Variants in MITF observed in about 807,000 individuals in gnomAD.
MITF encodes the protein microphthalmia-associated transcription factor.
A neutral mutation model predicts 60.5 loss-of-function variants in MITF; 17 were observed. That is an observed-to-expected ratio of 0.28 (90% CI 0.19 to 0.42). MITF has a LOEUF of 0.42. Among genes scored for constraint, MITF ranks in the 10% least tolerant of loss-of-function variants. The probability of loss-of-function intolerance (pLI) is 1.00; values close to 1 mark genes in which losing one functional copy is unlikely to be tolerated. For synonymous variants in MITF, 260 were observed against 248.5 expected, an observed-to-expected ratio of 1.05 and a Z score of -0.43; for missense variants, 622 against 683.5, an observed-to-expected ratio of 0.91 and a Z score of 1.00.
chr3:69,905,694 T>C (rs1487448306), intron 2 of MITF, among the ~76,000 whole-genome samples: 1 of 152,118 alleles, frequency 6.6e-6, no homozygotes, highest in Admixed American at 6.6e-5. Flanking sequence ...CTGATGGGTG[T>C]GTAATACTAT....
intron 2 of MITF, among the ~76,000 whole-genome samples, chr3:69,905,330 G>A (rs541835369): frequency 6.6e-6 from 1 of 151,802 alleles, no homozygotes; most frequent in East Asian, 1.9e-4. Flanking sequence ...CCTTTATATT[G>A]CCAACTGTAT....
chr3:69,956,606 C>A, intron 8 of MITF, 76 bp downstream of exon 8: 3 of 1,278,136 alleles, frequency 2.3e-6, no homozygotes, highest in Middle Eastern at 2.1e-4. Context: ...GTAAAAAATG[C>A]AGTTGTAAAA....
At position 69,936,567 on chromosome 3, in the gene MITF, G is replaced by A. The variant is rs112598669; in HGVS notation, c.355-1255G>A. 1.5e-3 allele frequency: 2,277 copies of A among 1,478,636 alleles called. 27 individuals are homozygous for A. The African/African-American group carries it at 0.029, about 19-fold the overall frequency. The allele number at this position is 1,478,636 out of a possible 1,614,324, so 91.6% of individuals were successfully genotyped here. A position where few individuals can be genotyped will look rare whatever the true frequency, so the allele number is the denominator to read the frequency against. ...AACTAATTAGCTTAGGTTATTATAA[G>A]CAGGGCTTCTGTGATAAAGTTTCCG... On this transcript the variant is annotated intron_variant, in intron 2 of 9. Transcript: ENST00000352241.
intron 2 of MITF, among the ~76,000 whole-genome samples, chr3:69,889,025 GTTTTTTTTTT>G (rs4057977): frequency 1.7e-5 from 1 of 58,806 alleles, no homozygotes; most frequent in Non-Finnish European, 3.2e-5. Flanking sequence ...ATAGCCTTTG[GTTTTTTTTTT>G]TTTTTTTTTT....
At chr3:69,882,663 A>G (rs931354013) in intron 2 of MITF, among the ~76,000 whole-genome samples, 8 of 152,172 alleles carry the variant, frequency 5.3e-5, no homozygotes, top group African/African-American at 1.7e-4. Context: ...TTGAAATTTG[A>G]TGTAGCTTTT....
chr3:69,948,978 G>C lies in MITF; in HGVS notation c.763-73G>C, dbSNP rs2066171383. 12 of 1,071,976 alleles carry C rather than the reference G, an allele frequency of 1.1e-5. No individual in the cohort carries two copies. In the South Asian group the frequency reaches 1.5e-4, roughly 14 times the overall value. 66.4% of individuals were successfully genotyped at this position (1,071,976 alleles called of 1,614,324 possible). ...TTTTCTTAAATAAATCCTAGAGTAG[G>C]ATATAGGTTTTATCTGAAAAAACAT... On this transcript the variant is annotated intron_variant, in intron 5 of 9. Transcript: ENST00000352241.
At chr3:69,845,268 A>G (rs2063709589) in intron 1 of MITF, among the ~76,000 whole-genome samples, 1 of 152,024 alleles carries the variant, frequency 6.6e-6, no homozygotes, top group South Asian at 2.1e-4. Context: ...ATAAATATTA[A>G]AATTAGGAGA....
chr3:69,804,968 A>G (rs769228304), intron 1 of MITF, among the ~76,000 whole-genome samples: 1 of 152,226 alleles, frequency 6.6e-6, no homozygotes, highest in African/African-American at 2.4e-5. Flanking sequence ...GTGTATTGCT[A>G]ATGGTTCTGA....
intron 1 of MITF, among the ~76,000 whole-genome samples, chr3:69,799,731 A>G (rs1468603585): frequency 1.3e-5 from 2 of 152,018 alleles, no homozygotes; most frequent in Non-Finnish European, 2.9e-5. Context: ...TCTCCTTAGT[A>G]TGCTCTTAGG....
intron 1 of MITF, among the ~76,000 whole-genome samples, chr3:69,820,953 G>GA (rs35503936): frequency 6.6e-6 from 1 of 151,788 alleles, no homozygotes; most frequent in Admixed American, 6.6e-5. Context: ...GTGTGTTCTG[G>GA]AAAAAAGTTA....
intron 1 of MITF, among the ~76,000 whole-genome samples, chr3:69,761,813 G>A (rs1280686781): frequency 6.6e-6 from 1 of 152,148 alleles, no homozygotes; most frequent in Admixed American, 6.5e-5. Context: ...ATAAGTAAGT[G>A]GTAGATTTTC....
chr3:69,962,592 G>C (rs3772111), intron 9 of MITF, among the ~76,000 whole-genome samples: 43,526 of 152,054 alleles, frequency 0.29, 6,288 homozygotes, highest in African/African-American at 0.32. Flanking sequence ...ATAAGGAAAG[G>C]TGACTTGCTT....
At chr3:69,938,310 T>G in intron 3 of MITF, 1 of 1,536,572 alleles carries the variant, frequency 6.5e-7, no homozygotes, top group African/African-American at 1.4e-5. Context: ...ACTTGCTTCT[T>G]CTTCCTTAGC....
At chr3:69,796,535 T>TGTC (rs1263132483) in intron 1 of MITF, among the ~76,000 whole-genome samples, 1 of 123,404 alleles carries the variant, frequency 8.1e-6, no homozygotes, top group African/African-American at 2.8e-5. Context: ...AGTCTCGCTC[T>TGTC]GTCGCCCAGG....
intron 1 of MITF, among the ~76,000 whole-genome samples, chr3:69,745,748 G>A (rs1703701107): frequency 1.3e-5 from 2 of 152,128 alleles, no homozygotes; most frequent in Non-Finnish European, 2.9e-5. Flanking sequence ...GTCTGTGGTC[G>A]CTGCTTTGCC....
At chr3:69,816,125 C>G (rs2063177979) in intron 1 of MITF, among the ~76,000 whole-genome samples, 1 of 152,140 alleles carries the variant, frequency 6.6e-6, no homozygotes, top group South Asian at 2.1e-4. Context: ...CATTCTTTCT[C>G]TAGTAGTTGC....
chr3:69,754,631 T>A (rs1272560611), intron 1 of MITF, among the ~76,000 whole-genome samples: 1 of 152,180 alleles, frequency 6.6e-6, no homozygotes, highest in Non-Finnish European at 1.5e-5. Flanking sequence ...CTCTCTTTTT[T>A]TTTTTTTTGA....
intron 1 of MITF, among the ~76,000 whole-genome samples, chr3:69,811,146 T>C (rs1391854294): frequency 1.3e-5 from 2 of 152,202 alleles, no homozygotes; most frequent in African/African-American, 4.8e-5. Flanking sequence ...TCAGAGATTC[T>C]GATGGTGGTC....
intron 1 of MITF, among the ~76,000 whole-genome samples, chr3:69,810,166 TATTTTTC>T (rs773249188): frequency 1.2e-3 from 180 of 152,330 alleles, no homozygotes; most frequent in Non-Finnish European, 1.0e-3. Flanking sequence ...AACTGGATGT[TATTTTTC>T]AAAAGCTTAG....
Sources: gnomAD v4.1 joint callset for allele counts (sites outside exome capture counted in the v4.1 genomes callset) on GRCh38, gnomAD v4.1.1 for gene constraint, MANE v1.5 for transcripts, NCBI Gene and HGNC (gene_info 2026-07-23, HGNC 2026-07-21) for gene names.